The following CRACD variants were observed in gnomAD, a reference collection of about 807,000 sequenced individuals.
CRACD encodes the protein capping protein inhibiting regulator of actin dynamics.
A neutral mutation model predicts 106.8 loss-of-function variants in CRACD; 56 were observed. That is an observed-to-expected ratio of 0.52 (90% CI 0.42 to 0.66). The LOEUF (loss-of-function observed/expected upper bound fraction) is 0.66, where lower values mean the gene tolerates loss of function less well. Ranked by LOEUF, CRACD falls within the 30% of genes least tolerant of loss-of-function variation. CRACD has a pLI of 0.00. For synonymous variants in CRACD, 754 were observed against 670.8 expected (o/e 1.12, Z -1.92); for missense variants, 1,730 against 1,623.2 (o/e 1.07, Z -1.13).
intron 2 of CRACD, among the ~76,000 whole-genome samples, chr4:56,233,331 A>C (rs1410225214): frequency 1.3e-5 from 2 of 151,200 alleles, no homozygotes; most frequent in Non-Finnish European, 1.5e-5. Context: ...CAGGCTGAAC[A>C]CCTGGGCTCA....
intron 1 of CRACD, among the ~76,000 whole-genome samples, chr4:56,055,466 T>C (rs548872326): frequency 2.0e-5 from 3 of 152,026 alleles, no homozygotes; most frequent in African/African-American, 7.2e-5. Context: ...CCAAACCCCA[T>C]TGCCAATACC....
rs368704380 is a variant in CRACD at position 56,276,733 on chromosome 4, G to T, written c.-17+4241G>T. On this transcript the variant is annotated intron_variant, in intron 3 of 10. Transcript: ENST00000682029. ...GCCTCACTAGGGAGCTACTCATATG[G>T]CCCTGAATCATCATACTGGTCCTGA... Among the ~76,000 whole-genome samples the T allele has an allele frequency of 5.3e-4, 80 of 152,298 alleles. No individual in the cohort carries two copies. In the South Asian group the frequency reaches 0.016, roughly 30 times the overall value.
Position 56,313,275 on chromosome 4 carries a change from A to G in CRACD, c.433A>G (p.Ile145Val). Residue 145 changes from isoleucine (I) to valine (V), a missense_variant, in exon 7 of 11, where the codon ATC (isoleucine) becomes GTC (valine). Around this residue, in one of 5 missense-constraint regions of CRACD, gnomAD observed 1,620 missense variants for 1,481.6 expected, o/e 1.09. Coordinates refer to ENST00000682029, the MANE Select transcript of CRACD (RefSeq NM_001393381.1). ...CATCGAAAGTGTCAACTTAGATGCCATCCCCCTGGCCATCGCTCGCCTGGA... is the reference window on the plus strand; with the variant it reads ...CATCGAAAGTGTCAACTTAGATGCCGTCCCCCTGGCCATCGCTCGCCTGGA... ...GTIESVNLDA[I>V]PLAIARLDNS... 1 of 1,614,190 alleles carries G rather than the reference A, an allele frequency of 6.2e-7. No homozygotes were observed. The highest frequency in any genetic ancestry group is 8.5e-7 in the Non-Finnish European group (1 of 1,180,032).
intron 1 of CRACD, among the ~76,000 whole-genome samples, chr4:56,089,753 C>T (rs1403649106): frequency 6.6e-6 from 1 of 151,804 alleles, no homozygotes; most frequent in African/African-American, 2.4e-5. Flanking sequence ...CCTCAGGTGA[C>T]CCACCTGCCT....
intron 1 of CRACD, among the ~76,000 whole-genome samples, chr4:56,052,246 A>C (rs981233695): frequency 1.3e-5 from 2 of 152,190 alleles, no homozygotes; most frequent in African/African-American, 4.8e-5. Flanking sequence ...CAGTATACAG[A>C]TACATTGTAA....
chr4:56,248,741 A>T, intron 2 of CRACD, among the ~76,000 whole-genome samples: 1 of 102,318 alleles, frequency 9.8e-6, no homozygotes, highest in Admixed American at 1.2e-4. Flanking sequence ...CCACCCCACA[A>T]CAGTCCCCAG....
intron 1 of CRACD, among the ~76,000 whole-genome samples, chr4:56,054,585 T>G (rs1047877533): frequency 6.6e-6 from 1 of 152,220 alleles, no homozygotes; most frequent in South Asian, 2.1e-4. Flanking sequence ...ATATTTTAGG[T>G]TTACATAGAT....
chr4:56,250,149 C>G (rs376969143), intron 2 of CRACD, among the ~76,000 whole-genome samples: 74 of 152,032 alleles, frequency 4.9e-4, no homozygotes, highest in African/African-American at 1.6e-3. Context: ...CGTTTTGATT[C>G]TCTATATTCC....
chr4:56,183,514 C>T (rs1425836818), intron 2 of CRACD, among the ~76,000 whole-genome samples: 3 of 152,318 alleles, frequency 2.0e-5, no homozygotes, highest in South Asian at 4.1e-4. Context: ...CCTGCACAGG[C>T]ACGTGGTGTA....
intron 2 of CRACD, among the ~76,000 whole-genome samples, chr4:56,191,805 A>T (rs1365368608): frequency 3.3e-5 from 5 of 152,228 alleles, no homozygotes; most frequent in Non-Finnish European, 7.3e-5. Context: ...CATCTGTGAT[A>T]CACAGCCATG....
At chr4:56,097,320 G>C (rs535579541) in intron 1 of CRACD, 1 of 151,950 alleles carries the variant, frequency 6.6e-6, no homozygotes, top group Non-Finnish European at 1.5e-5. Context: ...AAGGGTGTTA[G>C]GATTGCTTAA....
In CRACD at chr4:56,117,017, AT is replaced by A. The variant is rs751420774; in HGVS notation, c.-335-62246del. Among the ~76,000 whole-genome samples, 477 of 96,238 alleles carry A rather than the reference AT, an allele frequency of 5.0e-3. 1 individual carries two copies. The highest frequency in any genetic ancestry group is 0.026 in the East Asian group (91 of 3,484). The allele number at this position is 96,238 out of a possible 152,430, so 63.1% of individuals were successfully genotyped here. A position where few individuals can be genotyped will look rare whatever the true frequency, so the allele number is the denominator to read the frequency against. ...GCCACCACACCTAGCCGAATTTTTA[AT>A]TTTTTTTTTTTTTTTTTTTTGAGAC... On this transcript the variant is annotated intron_variant, in intron 1 of 10. Transcript: ENST00000682029.
At position 56,252,509 on chromosome 4, in the gene CRACD, G is replaced by A. The variant is rs150866082; in HGVS notation, c.-188-19812G>A. 1.8e-3 allele frequency among the ~76,000 whole-genome samples: 281 copies of A among 152,316 alleles called. 2 individuals carry two copies. Among genetic ancestry groups the A allele is most frequent in the African/African-American group, 6.5e-3 (272 of 41,562 alleles). On this transcript the variant is annotated intron_variant, in intron 2 of 10. Coordinates refer to ENST00000682029, the MANE Select transcript of CRACD (RefSeq NM_001393381.1). ...CTGTGCTGTGCCAGTGCCAGCTCAA[G>A]GCTATAGTATTGACTGTAGGACTGC...
intron 1 of CRACD, among the ~76,000 whole-genome samples, chr4:56,077,050 G>A (rs1484637723): frequency 6.6e-6 from 1 of 152,146 alleles, no homozygotes; most frequent in African/African-American, 2.4e-5. Context: ...CCTGCACTGT[G>A]CTGTAGGCCC....
At chr4:56,209,215 T>A (rs955886541) in intron 2 of CRACD, among the ~76,000 whole-genome samples, 3 of 152,170 alleles carry the variant, frequency 2.0e-5, no homozygotes, top group Non-Finnish European at 4.4e-5. Context: ...CAATTAAAAA[T>A]TTTTTCAACT....
chr4:56,074,781 G>T (rs1732780876), intron 1 of CRACD, among the ~76,000 whole-genome samples: 1 of 152,032 alleles, frequency 6.6e-6, no homozygotes, highest in South Asian at 2.1e-4. Flanking sequence ...AAAGGGAATG[G>T]TTCCAGTTTT....
Position 56,096,943 on chromosome 4 carries a change from A to G in CRACD, c.-336+47644A>G, listed in dbSNP as rs745344075. Among the ~76,000 whole-genome samples the G allele has an allele frequency of 5.3e-5, 8 of 152,214 alleles. No homozygotes were observed. The South Asian group carries it at 6.2e-4, about 12-fold the overall frequency. On this transcript the variant is annotated intron_variant, in intron 1 of 10. Transcript: ENST00000682029. Reference sequence around the variant, plus strand: ...AGAGTTATTTTTTTAAAGATGGAAAACAACATGTTTATTTGTTCCCATTTG... The same window carrying G: ...AGAGTTATTTTTTTAAAGATGGAAAGCAACATGTTTATTTGTTCCCATTTG...
intron 1 of CRACD, among the ~76,000 whole-genome samples, chr4:56,153,329 T>C (rs763031336): frequency 7.2e-5 from 11 of 152,288 alleles, no homozygotes; most frequent in South Asian, 6.2e-4. Context: ...AGATTCCTCC[T>C]CTAGTCATCT....
At chr4:56,110,884 G>T (rs761744696) in intron 1 of CRACD, among the ~76,000 whole-genome samples, 3 of 152,068 alleles carry the variant, frequency 2.0e-5, no homozygotes, top group Non-Finnish European at 4.4e-5. Flanking sequence ...GGTGTGAGCC[G>T]CTGCGTCCAG....
Sources: gnomAD v4.1 joint callset for allele counts (sites outside exome capture counted in the v4.1 genomes callset) on GRCh38, gnomAD v4.1.1 for gene constraint, gnomAD v4.1.1 regional missense constraint, MANE v1.5 for transcripts, NCBI Gene and HGNC (gene_info 2026-07-23, HGNC 2026-07-21) for gene names.